SV2C: variants seen among roughly 807,000 people sequenced by gnomAD.
SV2C encodes synaptic vesicle glycoprotein 2C, also known as solute carrier family 22 member B3.
In SV2C, 49 loss-of-function variants were observed where a neutral mutation model predicts 79.7. That is an observed-to-expected ratio of 0.61 (90% CI 0.49 to 0.78). The LOEUF (loss-of-function observed/expected upper bound fraction) is 0.78. SV2C is among the 30% of genes least tolerant of loss of function. The pLI, the probability that SV2C is intolerant of heterozygous loss-of-function variation, is 0.00. For synonymous variants in SV2C, 334 were observed against 333.2 expected, an observed-to-expected ratio of 1.00 and a Z score of -0.03; for missense variants, 833 against 912.9, an observed-to-expected ratio of 0.91 and a Z score of 1.13.
the SV2C span, among the ~76,000 whole-genome samples, chr5:75,985,706 TTAAAAAAAG>T: frequency 4.0e-5 from 6 of 151,752 alleles, no homozygotes; most frequent in Non-Finnish European, 8.8e-5. Context: ...AAAAGTAATG[TTAAAAAAAG>T]TAAAAAAAGT....
intron 4 of SV2C, among the ~76,000 whole-genome samples, chr5:76,223,440 CATACATATATATAT>C (rs1326160268): frequency 8.3e-5 from 3 of 36,024 alleles, no homozygotes; most frequent in South Asian, 1.3e-3. Flanking sequence ...TATATACATA[CATACATATATATAT>C]ATATATATAT....
chr5:76,220,804 A>G (rs1442193806), intron 4 of SV2C, among the ~76,000 whole-genome samples: 5 of 152,038 alleles, frequency 3.3e-5, no homozygotes, highest in Non-Finnish European at 7.4e-5. Flanking sequence ...CTGCTCCTCC[A>G]TTCGTAGCAT....
the SV2C span, among the ~76,000 whole-genome samples, chr5:76,076,997 C>T: frequency 7.2e-5 from 11 of 152,176 alleles, no homozygotes; most frequent in Non-Finnish European, 1.3e-4. Context: ...TACTATCAAA[C>T]ATCTCGTAAA....
chr5:75,950,126 G>A, the SV2C span, among the ~76,000 whole-genome samples: 1 of 152,046 alleles, frequency 6.6e-6, no homozygotes, highest in Non-Finnish European at 1.5e-5. Flanking sequence ...CACTGTTGGT[G>A]TGTTTATACG....
the SV2C span, among the ~76,000 whole-genome samples, chr5:75,884,458 G>A: frequency 4.6e-5 from 7 of 151,982 alleles, no homozygotes; most frequent in East Asian, 1.9e-4. Context: ...TTACATCATA[G>A]GATAATGGCT....
At chr5:76,154,642 C>T (rs551363170) in intron 2 of SV2C, among the ~76,000 whole-genome samples, 5 of 152,184 alleles carry the variant, frequency 3.3e-5, no homozygotes, top group South Asian at 4.2e-4. Context: ...GTTTCACTTC[C>T]GCCATGATAG....
chr5:76,280,769 C>T lies in SV2C; in HGVS notation c.914-4393C>T, dbSNP rs2112488787. On this transcript the variant is annotated intron_variant, in intron 4 of 12. Coordinates refer to ENST00000502798, the MANE Select transcript of SV2C (RefSeq NM_014979.4). The stretch of plus-strand genomic sequence containing the variant: ...TGTGGGGGTGTGGGGTCCCCTGGCC[C>T]AGAGCAGGCTCATCCTGCCAAGCCT... Among the ~76,000 whole-genome samples, 2 of 152,288 alleles carry T rather than the reference C, an allele frequency of 1.3e-5. 1 individual carries two copies. The highest frequency in any genetic ancestry group is 4.1e-4 in the South Asian group (2 of 4,824).
chr5:76,125,776 G>T (rs1748685696), intron 1 of SV2C, among the ~76,000 whole-genome samples: 1 of 152,156 alleles, frequency 6.6e-6, no homozygotes, highest in African/African-American at 2.4e-5. Context: ...ATAACATTAA[G>T]GCCAGGTGCA....
chr5:76,221,594 GC>G, intron 4 of SV2C, among the ~76,000 whole-genome samples: 1 of 152,120 alleles, frequency 6.6e-6, no homozygotes. Flanking sequence ...GAGAATCTGG[GC>G]CCATTTGAAG....
the SV2C span, among the ~76,000 whole-genome samples, chr5:75,903,469 C>T: frequency 2.6e-5 from 4 of 151,876 alleles, no homozygotes; most frequent in Admixed American, 6.6e-5. Flanking sequence ...CTTTTCACAC[C>T]AAATTCTCAA....
chr5:75,960,695 A>G, the SV2C span, among the ~76,000 whole-genome samples: 1 of 152,020 alleles, frequency 6.6e-6, no homozygotes, highest in African/African-American at 2.4e-5. Flanking sequence ...ACACAGTGAC[A>G]AAAATCACCT....
chr5:76,193,416 C>G (rs886125268), intron 2 of SV2C, among the ~76,000 whole-genome samples: 7 of 152,128 alleles, frequency 4.6e-5, no homozygotes, highest in Non-Finnish European at 1.0e-4. Flanking sequence ...TCTTTAAACA[C>G]AACAGGGTTG....
chr5:76,080,232 C>T (rs527285466), upstream of SV2C, among the ~76,000 whole-genome samples: 40 of 151,776 alleles, frequency 2.6e-4, no homozygotes, highest in South Asian at 6.7e-3. Flanking sequence ...AGTAATACTT[C>T]GATTAAAATT....
At chr5:76,216,062 A>T (rs1744902022) in intron 4 of SV2C, among the ~76,000 whole-genome samples, 1 of 151,356 alleles carries the variant, frequency 6.6e-6, no homozygotes, top group South Asian at 2.1e-4. Flanking sequence ...TAGACACTGG[A>T]ATAAGGGATT....
intron 12 of SV2C, among the ~76,000 whole-genome samples, chr5:76,309,960 G>A (rs1215797493): frequency 6.6e-6 from 1 of 152,120 alleles, no homozygotes; most frequent in Non-Finnish European, 1.5e-5. Context: ...ACATCAACCT[G>A]GGGCTGTCCG....
intron 2 of SV2C, among the ~76,000 whole-genome samples, chr5:76,187,249 C>T (rs1743950842): frequency 6.6e-6 from 1 of 152,254 alleles, no homozygotes; most frequent in Non-Finnish European, 1.5e-5. Context: ...TGAGGAACGA[C>T]ATTAGAGAAT....
chr5:75,913,024 C>G, the SV2C span, among the ~76,000 whole-genome samples: 1 of 152,162 alleles, frequency 6.6e-6, no homozygotes, highest in Non-Finnish European at 1.5e-5. Flanking sequence ...CCAAGAATGG[C>G]CCTCATTCAT....
At chr5:75,911,173 G>T in the SV2C span, 3 of 1,593,366 alleles carry the variant, frequency 1.9e-6, no homozygotes, top group Non-Finnish European at 1.7e-6. Context: ...CTCTGAGGAA[G>T]AAGAGCCTCT....
chr5:76,070,827 G>C, the SV2C span, among the ~76,000 whole-genome samples: 1 of 152,174 alleles, frequency 6.6e-6, no homozygotes, highest in Non-Finnish European at 1.5e-5. Context: ...GGGACAGTTT[G>C]GAGAAATGTG....
Sources: allele counts gnomAD v4.1 joint callset (sites outside exome capture counted in the v4.1 genomes callset), GRCh38; gene constraint gnomAD v4.1.1; transcripts MANE v1.5; gene names NCBI Gene and HGNC (gene_info 2026-07-23, HGNC 2026-07-21).